ATXN7L3B: variants seen among roughly 807,000 people sequenced by gnomAD.
ATXN7L3B encodes the protein ataxin 7 like 3B.
In ATXN7L3B, 4 loss-of-function variants were observed where a neutral mutation model predicts 6.3. The ratio of observed to expected loss-of-function variants is 0.63; its 90% CI spans 0.31 to 1.45. ATXN7L3B has a LOEUF of 1.45. ATXN7L3B is among the 40% of genes most tolerant of loss of function. The pLI is 0.07. For missense variants in ATXN7L3B, 120 were observed against 118.5 expected (o/e 1.01, Z -0.06); for synonymous variants, 63 against 48.0 (o/e 1.31, Z -1.29).
At position 74,538,491 on chromosome 12, in the gene ATXN7L3B, T is replaced by G; in HGVS notation, c.*85T>G. 2.3e-6 allele frequency: 3 copies of G among 1,286,018 alleles called. No individual in the cohort carries two copies. The highest frequency in any genetic ancestry group is 2.1e-6 in the Non-Finnish European group (2 of 948,154). 79.7% of individuals were successfully genotyped at this position (1,286,018 alleles called of 1,614,324 possible). A position where few individuals can be genotyped will look rare whatever the true frequency, so the allele number is the denominator to read the frequency against. ...GAGGAGTAAGCTAAGTAGAAAAAAG[T>G]AGAAAAATCAGACAAAAGTTTTAAT... On this transcript the variant is annotated 3_prime_UTR_variant, in exon 1 of 1. Transcript: ENST00000519948.
chr12:74,537,841 C>G lies in ATXN7L3B; in HGVS notation c.-272C>G. The G allele has an allele frequency of 4.6e-6, 2 of 438,672 alleles. No individual in the cohort carries two copies. The highest frequency in any genetic ancestry group is 8.3e-6 in the Non-Finnish European group (2 of 242,002). The allele number at this position is 438,672 out of a possible 1,614,324, so 27.2% of individuals were successfully genotyped here. ...AGGGGAGCGGAAGAGGCCCAGGAGG[C>G]TGGGTGAGGCGCTGAGACGGTTTGG... On this transcript the variant is annotated 5_prime_UTR_variant, in exon 1 of 1. Transcript: ENST00000519948.
Position 74,540,082 on chromosome 12 carries a change from T to C in ATXN7L3B, c.*1676T>C, listed in dbSNP as rs1868844735. The C allele has an allele frequency of 6.0e-6, 1 of 165,994 alleles. No homozygotes were observed. The highest frequency in any genetic ancestry group is 6.6e-5 in the Admixed American group (1 of 15,254). The allele number at this position is 165,994 out of a possible 1,614,324, so 10.3% of individuals were successfully genotyped here. On this transcript the variant is annotated 3_prime_UTR_variant, in exon 1 of 1. Coordinates refer to ENST00000519948, the MANE Select transcript of ATXN7L3B (RefSeq NM_001136262.2). The stretch of plus-strand genomic sequence containing the variant: ...TTTTTTCTTGGCCTCTGTTTTTTTT[T>C]TTTCTTTCTTTTTCCCTTGTTTTTG...
In ATXN7L3B at chr12:74,544,010, A is replaced by G. The variant is rs1268834619; in HGVS notation, c.*5604A>G. On this transcript the variant is annotated 3_prime_UTR_variant, in exon 1 of 1. Transcript: ENST00000519948. ...ATAGAATCTAGAAACAGTTGTTCTC[A>G]GATGACATCTACATCTACATGGATA... 6.6e-6 allele frequency: 1 copy of G among 152,082 alleles called. No homozygotes were observed. Among genetic ancestry groups the G allele is most frequent in the Non-Finnish European group, 1.5e-5 (1 of 67,886 alleles). 9.4% of individuals were successfully genotyped at this position (152,082 alleles called of 1,614,324 possible).
In ATXN7L3B at chr12:74,543,990, A is replaced by C. The variant is rs962120003; in HGVS notation, c.*5584A>C. On this transcript the variant is annotated 3_prime_UTR_variant, in exon 1 of 1. Transcript: ENST00000519948. ...ATATTTACATGAACAATTTTATAGA[A>C]TCTAGAAACAGTTGTTCTCAGATGA... The C allele has an allele frequency of 6.6e-6, 1 of 152,068 alleles. No individual in the cohort carries two copies. Among genetic ancestry groups the C allele is most frequent in the Non-Finnish European group, 1.5e-5 (1 of 67,904 alleles). 9.4% of individuals were successfully genotyped at this position (152,068 alleles called of 1,614,324 possible).
In ATXN7L3B at chr12:74,545,121, TAAA is replaced by T. The variant is rs943974114; in HGVS notation, c.*6719_*6721del. 1.3e-5 allele frequency: 2 copies of T among 152,032 alleles called. No homozygotes were observed. The highest frequency in any genetic ancestry group is 4.8e-5 in the African/African-American group (2 of 41,446). 9.4% of individuals were successfully genotyped at this position (152,032 alleles called of 1,614,324 possible). On this transcript the variant is annotated 3_prime_UTR_variant, in exon 1 of 1. Transcript: ENST00000519948. ...AAACTGCTAGTAGGCTGTAAATTGGTAAAAAATGTTTTTAAAAGCAATTTAGAA... is the reference window on the plus strand; with the variant it reads ...AAACTGCTAGTAGGCTGTAAATTGGTAAATGTTTTTAAAAGCAATTTAGAA...
rs1398992837 is a variant in ATXN7L3B at position 74,541,093 on chromosome 12, G to A, written c.*2687G>A. The A allele has an allele frequency of 1.2e-5, 2 of 166,706 alleles. No homozygotes were observed. 10.3% of individuals were successfully genotyped at this position (166,706 alleles called of 1,614,324 possible). A position where few individuals can be genotyped will look rare whatever the true frequency, so the allele number is the denominator to read the frequency against. ...GAATTCCTATTTTTCCCTTGATTAT[G>A]TGTATTGATCACCCTGCAATCCTAT... is the stretch of plus-strand genomic sequence containing the variant. On this transcript the variant is annotated 3_prime_UTR_variant, in exon 1 of 1. Transcript: ENST00000519948.
In ATXN7L3B at chr12:74,539,698, GAGAA is replaced by G. The variant is rs1245193009; in HGVS notation, c.*1296_*1299del. 3 of 167,102 alleles carry G rather than the reference GAGAA, an allele frequency of 1.8e-5. No homozygotes were observed. Among genetic ancestry groups the G allele is most frequent in the Non-Finnish European group, 2.9e-5 (2 of 68,148 alleles). The allele number at this position is 167,102 out of a possible 1,614,324, so 10.4% of individuals were successfully genotyped here. On this transcript the variant is annotated 3_prime_UTR_variant, in exon 1 of 1. Coordinates refer to ENST00000519948, the MANE Select transcript of ATXN7L3B (RefSeq NM_001136262.2). ...GCAGTCCTTTTATTGTTAGAAGTCA[GAGAA>G]AGACCTCCAGAATCTCCTGACTTTA...
rs1784553790 is a variant in ATXN7L3B at position 74,544,762 on chromosome 12, A to C, written c.*6356A>C. 1 of 152,040 alleles carries C rather than the reference A, an allele frequency of 6.6e-6. No individual in the cohort carries two copies. The highest frequency in any genetic ancestry group is 1.5e-5 in the Non-Finnish European group (1 of 67,886). 9.4% of individuals were successfully genotyped at this position (152,040 alleles called of 1,614,324 possible). A position where few individuals can be genotyped will look rare whatever the true frequency, so the allele number is the denominator to read the frequency against. On this transcript the variant is annotated 3_prime_UTR_variant, in exon 1 of 1. Coordinates refer to ENST00000519948, the MANE Select transcript of ATXN7L3B (RefSeq NM_001136262.2). ...AGTACAAAACATAGAGAAAAGATTG[A>C]TGTGTTCGACCATAATAAAAATAGA...
In ATXN7L3B at chr12:74,538,039, G is replaced by A. The variant is rs527558664; in HGVS notation, c.-74G>A. 6.1e-6 allele frequency: 9 copies of A among 1,465,818 alleles called. No homozygotes were observed. The South Asian group carries it at 1.1e-4, about 17-fold the overall frequency. 90.8% of individuals were successfully genotyped at this position (1,465,818 alleles called of 1,614,324 possible). A position where few individuals can be genotyped will look rare whatever the true frequency, so the allele number is the denominator to read the frequency against. On this transcript the variant is annotated 5_prime_UTR_variant, in exon 1 of 1. Coordinates refer to ENST00000519948, the MANE Select transcript of ATXN7L3B (RefSeq NM_001136262.2). ...CACTGAAAGGCCTCTAGGCCTAGGCGCGGCCCGCGGAGCCAGACGTGTTGC... is the reference window on the plus strand; with the variant it reads ...CACTGAAAGGCCTCTAGGCCTAGGCACGGCCCGCGGAGCCAGACGTGTTGC...
Position 74,542,762 on chromosome 12 carries a change from G to A in ATXN7L3B, c.*4356G>A, listed in dbSNP as rs1013483697. 1 of 152,140 alleles carries A rather than the reference G, an allele frequency of 6.6e-6. No individual in the cohort carries two copies. Among genetic ancestry groups the A allele is most frequent in the African/African-American group, 2.4e-5 (1 of 41,460 alleles). The allele number at this position is 152,140 out of a possible 1,614,324, so 9.4% of individuals were successfully genotyped here. ...AACTTTCTTGTGCACACATTAATAA[G>A]TAACATTGCCTTCTCTTAAGACCTA... On this transcript the variant is annotated 3_prime_UTR_variant, in exon 1 of 1. Coordinates refer to ENST00000519948, the MANE Select transcript of ATXN7L3B (RefSeq NM_001136262.2).
Position 74,538,059 on chromosome 12 carries a change from T to C in ATXN7L3B, c.-54T>C. ...TAGGCGCGGCCCGCGGAGCCAGACG[T>C]GTTGCTGCCGTGAGTAAAACGAGCG... is the stretch of plus-strand genomic sequence containing the variant. On this transcript the variant is annotated 5_prime_UTR_variant, in exon 1 of 1. Transcript: ENST00000519948. 6.6e-7 allele frequency: 1 copy of C among 1,518,472 alleles called. No homozygotes were observed. Among genetic ancestry groups the C allele is most frequent in the Non-Finnish European group, 8.9e-7 (1 of 1,125,072 alleles). The allele number at this position is 1,518,472 out of a possible 1,614,324, so 94.1% of individuals were successfully genotyped here. A position where few individuals can be genotyped will look rare whatever the true frequency, so the allele number is the denominator to read the frequency against.
At position 74,541,086 on chromosome 12, in the gene ATXN7L3B, T is replaced by TG. The variant is rs1868882816; in HGVS notation, c.*2681dup. On this transcript the variant is annotated 3_prime_UTR_variant, in exon 1 of 1. Transcript: ENST00000519948. ...AATAGCAGAATTCCTATTTTTCCCT[T>TG]GATTATGTGTATTGATCACCCTGCA... is the stretch of plus-strand genomic sequence containing the variant. The TG allele has an allele frequency of 6.0e-6, 1 of 166,778 alleles. No homozygotes were observed. The highest frequency in any genetic ancestry group is 1.5e-5 in the Non-Finnish European group (1 of 68,136). 10.3% of individuals were successfully genotyped at this position (166,778 alleles called of 1,614,324 possible).
In ATXN7L3B at chr12:74,538,319, G is replaced by T. The variant is rs932025690; in HGVS notation, c.207G>T (p.Ala69=). The stretch of plus-strand genomic sequence containing the variant: ...TTCAGCCAGTGGAAGACAAAGGAGC[G>T]TGCCGCCTCCCGCTTTGCTCCCTTC... ...FGIQPVEDKG[A]CRLPLCSLPG... Residue 69 remains alanine (A), a synonymous_variant, in exon 1 of 1, where the codon GCG becomes GCT. Coordinates refer to ENST00000519948, the MANE Select transcript of ATXN7L3B (RefSeq NM_001136262.2). 1 of 1,553,858 alleles carries T rather than the reference G, an allele frequency of 6.4e-7. No homozygotes were observed. Among genetic ancestry groups the T allele is most frequent in the Non-Finnish European group, 8.7e-7 (1 of 1,148,250 alleles).
rs1868916759 is a variant in ATXN7L3B, at chr12:74,542,197, G to A, written c.*3791G>A. ...CACTCGATGTACTTGTCACTGTCCA[G>A]TTTAAATAGGCCAGGGCCAACGTGG... On this transcript the variant is annotated 3_prime_UTR_variant, in exon 1 of 1. Coordinates refer to ENST00000519948, the MANE Select transcript of ATXN7L3B (RefSeq NM_001136262.2). 1 of 152,162 alleles carries A rather than the reference G, an allele frequency of 6.6e-6. No individual in the cohort carries two copies. Among genetic ancestry groups the A allele is most frequent in the Non-Finnish European group, 1.5e-5 (1 of 68,016 alleles). The allele number at this position is 152,162 out of a possible 1,614,324, so 9.4% of individuals were successfully genotyped here.
Position 74,540,089 on chromosome 12 carries a change from T to C in ATXN7L3B, c.*1683T>C, listed in dbSNP as rs141911784. 1 of 165,794 alleles carries C rather than the reference T, an allele frequency of 6.0e-6. No individual in the cohort carries two copies. Among genetic ancestry groups the C allele is most frequent in the East Asian group, 1.9e-4 (1 of 5,174 alleles). The allele number at this position is 165,794 out of a possible 1,614,324, so 10.3% of individuals were successfully genotyped here. A position where few individuals can be genotyped will look rare whatever the true frequency, so the allele number is the denominator to read the frequency against. On this transcript the variant is annotated 3_prime_UTR_variant, in exon 1 of 1. Transcript: ENST00000519948. ...TTGGCCTCTGTTTTTTTTTTTTCTT[T>C]CTTTTTCCCTTGTTTTTGTAGAAGA...
Position 74,544,153 on chromosome 12 carries a change from T to C in ATXN7L3B, c.*5747T>C, listed in dbSNP as rs751024851. 1.3e-5 allele frequency: 2 copies of C among 152,074 alleles called. No individual in the cohort carries two copies. The highest frequency in any genetic ancestry group is 2.9e-5 in the Non-Finnish European group (2 of 67,886). 9.4% of individuals were successfully genotyped at this position (152,074 alleles called of 1,614,324 possible). A position where few individuals can be genotyped will look rare whatever the true frequency, so the allele number is the denominator to read the frequency against. On this transcript the variant is annotated 3_prime_UTR_variant, in exon 1 of 1. Coordinates refer to ENST00000519948, the MANE Select transcript of ATXN7L3B (RefSeq NM_001136262.2). ...AACATTTAAAAAGTGTTATTAAATT[T>C]AGAATGTAATTCAACAAGTTATAAC...
rs1467440323 is a variant in ATXN7L3B, at chr12:74,538,193, G to A, written c.81G>A (p.Glu27=). ...AGGAGATTTACGTAGACCTGATAGA[G>A]GATTCTTGTTTGGGATTCTGCTTTG... is the stretch of plus-strand genomic sequence containing the variant. ...IAQEIYVDLI[E]DSCLGFCFEV... Residue 27 remains glutamate (E), a synonymous_variant, in exon 1 of 1, where the codon GAG becomes GAA. Coordinates refer to ENST00000519948, the MANE Select transcript of ATXN7L3B (RefSeq NM_001136262.2). 20 of 1,602,096 alleles carry A rather than the reference G, an allele frequency of 1.2e-5. No individual in the cohort carries two copies. Among genetic ancestry groups the A allele is most frequent in the African/African-American group, 5.4e-5 (4 of 74,574 alleles).
Position 74,538,132 on chromosome 12 carries a change from C to T in ATXN7L3B, c.20C>T (p.Ala7Val), listed in dbSNP as rs1412698700. The T allele has an allele frequency of 3.2e-6, 5 of 1,561,692 alleles. No homozygotes were observed. Among genetic ancestry groups the T allele is most frequent in the Non-Finnish European group, 4.3e-6 (5 of 1,152,860 alleles). ...ATTAAAATGGAGGAAATTTCGTTGGCCAACCTGGATACTAACAAGCTAGAG... is the reference window on the plus strand; with the variant it reads ...ATTAAAATGGAGGAAATTTCGTTGGTCAACCTGGATACTAACAAGCTAGAG... Reference protein sequence around the residue: MEEISLANLDTNKLEAI... With the variant: MEEISLVNLDTNKLEAI... The change falls in exon 1 of 1, where the codon GCC becomes GTC. Residue 7 changes from alanine to valine, a missense_variant. Physicochemically the swap from Ala to Val is moderately conservative, Grantham distance 64. Coordinates refer to ENST00000519948, the MANE Select transcript of ATXN7L3B (RefSeq NM_001136262.2).
chr12:74,541,758 T>C lies in ATXN7L3B; in HGVS notation c.*3352T>C, dbSNP rs903721399. On this transcript the variant is annotated 3_prime_UTR_variant, in exon 1 of 1. Transcript: ENST00000519948. ...ACTGTGACAGATAGTTCCATTTGAA[T>C]TGAACTCAATATATCTTAGTAAGTA... The C allele has an allele frequency of 6.6e-6, 1 of 152,192 alleles. No individual in the cohort carries two copies. The highest frequency in any genetic ancestry group is 2.4e-5 in the African/African-American group (1 of 41,442). The allele number at this position is 152,192 out of a possible 1,614,324, so 9.4% of individuals were successfully genotyped here. A position where few individuals can be genotyped will look rare whatever the true frequency, so the allele number is the denominator to read the frequency against.
Sources: allele counts gnomAD v4.1 joint callset, GRCh38; gene constraint gnomAD v4.1.1; transcripts MANE v1.5; gene names NCBI Gene and HGNC (gene_info 2026-07-23, HGNC 2026-07-21).